Variants in LRRTM4 observed in about 807,000 individuals in gnomAD.
LRRTM4 encodes leucine-rich repeat transmembrane neuronal protein 4.
A neutral mutation model predicts 47.6 loss-of-function variants in LRRTM4; 25 were observed. That is an observed-to-expected ratio of 0.53 (90% CI 0.38 to 0.73). The LOEUF (loss-of-function observed/expected upper bound fraction) is 0.73, where lower values mean the gene tolerates loss of function less well. Among genes scored for constraint, LRRTM4 ranks in the 30% least tolerant of loss-of-function variants. The pLI, the probability that LRRTM4 is intolerant of heterozygous loss-of-function variation, is 0.00. For synonymous variants in LRRTM4, 311 were observed against 269.5 expected (o/e 1.15, Z -1.51); for missense variants, 638 against 713.4 (o/e 0.89, Z 1.20).
chr2:77,262,857 G>A lies in LRRTM4; in HGVS notation c.1551+255461C>T, dbSNP rs80322907. 3.4e-3 allele frequency among the ~76,000 whole-genome samples: 516 copies of A among 152,104 alleles called. 1 individual carries two copies. Among genetic ancestry groups the A allele is most frequent in the African/African-American group, 0.012 (487 of 41,518 alleles). ...CTAGAGCTCTGAAAATTTCCTAAATGATGAGAGTGATAAAGGTAAAGGGAA... is the reference window on the plus strand; with the variant it reads ...CTAGAGCTCTGAAAATTTCCTAAATAATGAGAGTGATAAAGGTAAAGGGAA... On this transcript the variant is annotated intron_variant, in intron 3 of 3. Transcript: ENST00000409884.
At chr2:76,919,584 A>G (rs1247090797) in intron 3 of LRRTM4, among the ~76,000 whole-genome samples, 1 of 152,100 alleles carries the variant, frequency 6.6e-6, no homozygotes, top group Non-Finnish European at 1.5e-5. Flanking sequence ...GACTATCAGG[A>G]AAGTTGGGAA....
At chr2:76,998,126 C>A (rs1677269153) in intron 3 of LRRTM4, among the ~76,000 whole-genome samples, 1 of 151,934 alleles carries the variant, frequency 6.6e-6, no homozygotes, top group South Asian at 2.1e-4. Flanking sequence ...TCGAATCATC[C>A]TAAAACCATC....
chr2:77,505,071 T>C (rs1678717323), intron 3 of LRRTM4, among the ~76,000 whole-genome samples: 1 of 151,184 alleles, frequency 6.6e-6, no homozygotes. Flanking sequence ...AAGAACATAA[T>C]ATTAAGATCT....
Position 77,254,904 on chromosome 2 carries a change from A to G in LRRTM4, c.1551+263414T>C, listed in dbSNP as rs538608809. 8.6e-5 allele frequency among the ~76,000 whole-genome samples: 13 copies of G among 151,864 alleles called. No individual in the cohort carries two copies. The South Asian group carries it at 2.5e-3, about 29-fold the overall frequency. On this transcript the variant is annotated intron_variant, in intron 3 of 3. Transcript: ENST00000409884. ...AGGAAAGAGAGAGGGCAAACAGAAA[A>G]AAAAAAAAAGGACAGTCATAAGCGA...
intron 3 of LRRTM4, among the ~76,000 whole-genome samples, chr2:77,133,680 T>A (rs1671860347): frequency 6.6e-6 from 1 of 152,206 alleles, no homozygotes; most frequent in Non-Finnish European, 1.5e-5. Flanking sequence ...ATAAATAACT[T>A]ATCTGCATGG....
intron 3 of LRRTM4, among the ~76,000 whole-genome samples, chr2:77,244,748 G>C (rs1675383983): frequency 6.6e-6 from 1 of 152,112 alleles, no homozygotes; most frequent in Non-Finnish European, 1.5e-5. Flanking sequence ...ATTCTATTTT[G>C]CTCCTCCCTT....
intron 3 of LRRTM4, among the ~76,000 whole-genome samples, chr2:77,099,555 C>T (rs1017001900): frequency 5.9e-5 from 9 of 151,864 alleles, no homozygotes; most frequent in African/African-American, 1.9e-4. Flanking sequence ...ATGCAGTTGG[C>T]AGTGGTATCT....
intron 3 of LRRTM4, among the ~76,000 whole-genome samples, chr2:77,490,956 AT>A (rs147988110): frequency 0.029 from 4,440 of 151,356 alleles, 239 homozygotes; most frequent in African/African-American, 0.1. Flanking sequence ...AAAATGATTC[AT>A]TTTTTTTTCA....
At chr2:77,250,424 G>A (rs933854794) in intron 3 of LRRTM4, among the ~76,000 whole-genome samples, 28 of 152,044 alleles carry the variant, frequency 1.8e-4, no homozygotes, top group Non-Finnish European at 3.4e-4. Flanking sequence ...GGGATATATG[G>A]GAAATCTCTG....
At chr2:77,050,374 G>A (rs969072945) in intron 3 of LRRTM4, among the ~76,000 whole-genome samples, 1 of 152,122 alleles carries the variant, frequency 6.6e-6, no homozygotes, top group Non-Finnish European at 1.5e-5. Context: ...ATTTATAATT[G>A]TAGGGGGTTT....
chr2:77,345,438 T>C (rs1398136966), intron 3 of LRRTM4, among the ~76,000 whole-genome samples: 1 of 151,696 alleles, frequency 6.6e-6, no homozygotes, highest in African/African-American at 2.4e-5. Flanking sequence ...TAAAGAATTC[T>C]AAAAACTCAA....
chr2:77,423,316 C>T (rs993304107), intron 3 of LRRTM4, among the ~76,000 whole-genome samples: 14 of 149,024 alleles, frequency 9.4e-5, no homozygotes, highest in Admixed American at 2.7e-4. Context: ...ATAAATCCAT[C>T]TCTTTGGAAT....
At chr2:76,800,598 C>G (rs1165589796) in intron 3 of LRRTM4, among the ~76,000 whole-genome samples, 1 of 141,310 alleles carries the variant, frequency 7.1e-6, no homozygotes, top group East Asian at 2.0e-4. Flanking sequence ...CCAAAATTGA[C>G]AAATGGGATC....
At chr2:77,330,001 T>C (rs184022263) in intron 3 of LRRTM4, among the ~76,000 whole-genome samples, 9 of 152,166 alleles carry the variant, frequency 5.9e-5, no homozygotes, top group Admixed American at 4.6e-4. Flanking sequence ...GACCTGGGTT[T>C]GATTGGCATA....
chr2:77,213,424 C>T lies in LRRTM4; in HGVS notation c.1551+304894G>A, dbSNP rs192280008. 2.6e-5 allele frequency among the ~76,000 whole-genome samples: 4 copies of T among 152,126 alleles called. No homozygotes were observed. The East Asian group carries it at 7.8e-4, about 29-fold the overall frequency. On this transcript the variant is annotated intron_variant, in intron 3 of 3. Coordinates refer to ENST00000409884, the MANE Select transcript of LRRTM4 (RefSeq NM_001134745.3). ...TAGATTCCTCATCTTATAAAATGGG[C>T]ATGGTAATAATAACCCCTCATAGAA...
intron 3 of LRRTM4, among the ~76,000 whole-genome samples, chr2:76,919,967 T>C (rs1278805711): frequency 6.7e-6 from 1 of 148,684 alleles, no homozygotes; most frequent in Non-Finnish European, 1.5e-5. Context: ...CTTTTACTCA[T>C]TTTTTTTTGA....
intron 3 of LRRTM4, among the ~76,000 whole-genome samples, chr2:77,383,861 A>T (rs1387655909): frequency 1.3e-5 from 2 of 152,082 alleles, no homozygotes; most frequent in Non-Finnish European, 2.9e-5. Context: ...AATCTACTTT[A>T]GTGGTGGGGC....
At chr2:76,812,833 A>G (rs1276142736) in intron 3 of LRRTM4, among the ~76,000 whole-genome samples, 2 of 105,352 alleles carry the variant, frequency 1.9e-5, no homozygotes, top group Non-Finnish European at 3.5e-5. Flanking sequence ...GCATTAAGGC[A>G]GCTTTTATGT....
At chr2:77,081,126 T>A (rs892090983) in intron 3 of LRRTM4, among the ~76,000 whole-genome samples, 1 of 152,110 alleles carries the variant, frequency 6.6e-6, no homozygotes, top group Non-Finnish European at 1.5e-5. Context: ...TGATAGCCTA[T>A]AATTTGCTTT....
Sources: allele counts gnomAD v4.1 joint callset (sites outside exome capture counted in the v4.1 genomes callset), GRCh38; gene constraint gnomAD v4.1.1; transcripts MANE v1.5; gene names NCBI Gene and HGNC (gene_info 2026-07-23, HGNC 2026-07-21).